The following DTD1 variants were observed in gnomAD, a reference collection of about 807,000 sequenced individuals.
The protein encoded by DTD1 is D-aminoacyl-tRNA deacylase 1, also known as D-tyrosyl-tRNA deacylase 1 homolog.
In DTD1, 13 loss-of-function variants were observed where a neutral mutation model predicts 25.6. The observed-to-expected ratio is 0.51, with a 90% confidence interval of 0.33 to 0.81. The LOEUF (loss-of-function observed/expected upper bound fraction) is 0.81. DTD1 is among the 30% of genes least tolerant of loss of function. The pLI is 0.02. For missense variants in DTD1, 193 were observed against 266.4 expected, an observed-to-expected ratio of 0.72 and a Z score of 1.92; for synonymous variants, 110 against 103.6, an observed-to-expected ratio of 1.06 and a Z score of -0.37.
At chr20:18,646,918 A>T (rs1400022047) in intron 4 of DTD1, among the ~76,000 whole-genome samples, 1 of 152,076 alleles carries the variant, frequency 6.6e-6, no homozygotes, top group African/African-American at 2.4e-5. Flanking sequence ...AGCCATATGG[A>T]CCCCATTGCA....
chr20:18,667,090 A>G (rs995887733), intron 4 of DTD1, among the ~76,000 whole-genome samples: 1 of 152,174 alleles, frequency 6.6e-6, no homozygotes, highest in Non-Finnish European at 1.5e-5. Context: ...AGAGAATTCT[A>G]AGTGGATGTG....
Position 18,593,778 on chromosome 20 carries a change from C to T in DTD1, c.91C>T (p.Leu31=). 2 of 1,613,980 alleles carry T rather than the reference C, an allele frequency of 1.2e-6. No individual in the cohort carries two copies. Among genetic ancestry groups the T allele is most frequent in the South Asian group, 2.2e-5 (2 of 91,062 alleles). ...CATTGGAAGGGGCATATGTGTGTTG[C>T]TGGGTATTTCCCTGGAGGATACGCA... ...SAIGRGICVL[L]GISLEDTQKE... Residue 31 remains leucine (L), a synonymous_variant, in exon 2 of 6, where the codon CTG becomes TTG. Transcript: ENST00000377452.
At chr20:18,742,133 G>A (rs1157693401) in intron 4 of DTD1, among the ~76,000 whole-genome samples, 1 of 152,076 alleles carries the variant, frequency 6.6e-6, no homozygotes, top group Admixed American at 6.6e-5. Context: ...AATGTTGATG[G>A]ACATTTGGGT....
intron 4 of DTD1, among the ~76,000 whole-genome samples, chr20:18,681,548 G>C (rs1376084940): frequency 6.6e-6 from 1 of 152,190 alleles, no homozygotes; most frequent in African/African-American, 2.4e-5. Flanking sequence ...GTCTGGAGAA[G>C]AACAAGGACA....
intron 4 of DTD1, among the ~76,000 whole-genome samples, chr20:18,740,329 T>G (rs960801434): frequency 6.6e-6 from 1 of 152,216 alleles, no homozygotes; most frequent in Non-Finnish European, 1.5e-5. Context: ...TGTTTTGTTT[T>G]GTTTTGTTTT....
At chr20:18,731,094 T>G (rs1282818761) in intron 4 of DTD1, among the ~76,000 whole-genome samples, 1 of 152,222 alleles carries the variant, frequency 6.6e-6, no homozygotes, top group Non-Finnish European at 1.5e-5. Context: ...TCTCCTTTCT[T>G]AAATTTCCCT....
At chr20:18,726,872 T>C (rs1040174649) in intron 4 of DTD1, among the ~76,000 whole-genome samples, 1 of 151,070 alleles carries the variant, frequency 6.6e-6, no homozygotes, top group African/African-American at 2.4e-5. Context: ...TGCTTACTTA[T>C]AGGGGCCAGA....
chr20:18,633,679 C>T (rs926612432), intron 4 of DTD1, among the ~76,000 whole-genome samples: 2 of 152,112 alleles, frequency 1.3e-5, no homozygotes, highest in Non-Finnish European at 2.9e-5. Flanking sequence ...TTTTAGCTGA[C>T]CTTTAAGGAT....
At chr20:18,731,113 A>T (rs6081331) in intron 4 of DTD1, among the ~76,000 whole-genome samples, 2 of 152,106 alleles carry the variant, frequency 1.3e-5, no homozygotes, top group African/African-American at 4.8e-5. Flanking sequence ...CTGAGGGTCG[A>T]TCCTTCCCTT....
chr20:18,621,640 A>T (rs1012266384), intron 3 of DTD1, among the ~76,000 whole-genome samples: 6 of 152,186 alleles, frequency 3.9e-5, no homozygotes, highest in African/African-American at 1.4e-4. Context: ...TAAAAATCTT[A>T]TGTATTTTTA....
intron 4 of DTD1, among the ~76,000 whole-genome samples, chr20:18,702,826 T>C (rs2061111551): frequency 6.6e-6 from 1 of 152,086 alleles, no homozygotes; most frequent in Admixed American, 6.5e-5. Flanking sequence ...AGATGTGCCT[T>C]TGCCATATTC....
intron 4 of DTD1, chr20:18,643,331 G>A: frequency 3.7e-6 from 1 of 268,968 alleles, no homozygotes; most frequent in Non-Finnish European, 7.8e-6. Context: ...GTACGACACC[G>A]TCTGGCTTCT....
chr20:18,716,866 A>G (rs1022211895), intron 4 of DTD1, among the ~76,000 whole-genome samples: 1 of 152,186 alleles, frequency 6.6e-6, no homozygotes, highest in African/African-American at 2.4e-5. Context: ...GTTTTCTTGC[A>G]CAGCTGCAAC....
chr20:18,730,241 A>G (rs2061235556), intron 4 of DTD1, among the ~76,000 whole-genome samples: 1 of 152,188 alleles, frequency 6.6e-6, no homozygotes, highest in Non-Finnish European at 1.5e-5. Context: ...AGTTTTTACT[A>G]TTGTAAAAAC....
chr20:18,744,328 TAGG>T, intron 5 of DTD1, 57 bp downstream of exon 5: 1 of 1,537,646 alleles, frequency 6.5e-7, no homozygotes, highest in Non-Finnish European at 8.9e-7. Flanking sequence ...CAGCAATGAA[TAGG>T]AGGGAATAGC....
At chr20:18,639,983 G>C (rs542510301) in intron 4 of DTD1, among the ~76,000 whole-genome samples, 18 of 151,946 alleles carry the variant, frequency 1.2e-4, no homozygotes, top group Non-Finnish European at 2.4e-4. Context: ...AAACCTTCAG[G>C]GGATAAGTAT....
At chr20:18,736,579 C>G (rs2061256128) in intron 4 of DTD1, among the ~76,000 whole-genome samples, 1 of 152,218 alleles carries the variant, frequency 6.6e-6, no homozygotes, top group African/African-American at 2.4e-5. Flanking sequence ...TTGCACGACT[C>G]AGGGCGTGTG....
intron 4 of DTD1, among the ~76,000 whole-genome samples, chr20:18,688,888 G>A (rs376496665): frequency 6.6e-6 from 1 of 152,064 alleles, no homozygotes; most frequent in Non-Finnish European, 1.5e-5. Context: ...GTGGCCTGTG[G>A]GGGGTGGGGA....
intron 4 of DTD1, among the ~76,000 whole-genome samples, chr20:18,711,713 C>G (rs918010066): frequency 2.6e-5 from 4 of 152,096 alleles, no homozygotes; most frequent in African/African-American, 9.7e-5. Context: ...TGAAGTCCTT[C>G]CTGCTTCATT....
Sources: allele counts gnomAD v4.1 joint callset (sites outside exome capture counted in the v4.1 genomes callset), GRCh38; gene constraint gnomAD v4.1.1; transcripts MANE v1.5; gene names NCBI Gene and HGNC (gene_info 2026-07-23, HGNC 2026-07-21).